The following MCM10 variants were observed in gnomAD, a reference collection of about 807,000 sequenced individuals.
MCM10 encodes protein MCM10 homolog.
In MCM10, 91 loss-of-function variants were observed where a neutral mutation model predicts 109.9. The ratio of observed to expected loss-of-function variants is 0.83; its 90% CI spans 0.70 to 0.99. MCM10 has a LOEUF of 0.99. Among genes scored for constraint, MCM10 ranks in the 50% least tolerant of loss-of-function variants. The pLI is 0.00. For missense variants in MCM10, 1,077 were observed against 1,061.2 expected, an observed-to-expected ratio of 1.01 and a Z score of -0.21; for synonymous variants, 380 against 387.2, an observed-to-expected ratio of 0.98 and a Z score of 0.22.
In MCM10 at chr10:13,192,559, T is replaced by C; in HGVS notation, c.1736T>C (p.Ile579Thr). The change falls in exon 13 of 20, where the codon ATA (isoleucine) becomes ACA (threonine). Residue 579 changes from isoleucine to threonine, a missense_variant. Physicochemically the swap from Ile to Thr is moderately conservative, Grantham distance 89 (BLOSUM62 -1). Coordinates refer to ENST00000378714, the MANE Select transcript of MCM10 (RefSeq NM_018518.5). ...LEMRRRKSEE[I>T]QKRFLQSSSE... ...ATGAGGAGAAGGAAATCAGAAGAAA[T>C]ACAGAAGCGGTAAGAGGAGCAGATT... 1.2e-6 allele frequency: 2 copies of C among 1,613,988 alleles called. No individual in the cohort carries two copies. The highest frequency in any genetic ancestry group is 1.3e-5 in the African/African-American group (1 of 75,006).
At chr10:13,169,101 T>G (rs973919992) in intron 2 of MCM10, among the ~76,000 whole-genome samples, 18 of 152,206 alleles carry the variant, frequency 1.2e-4, no homozygotes, top group African/African-American at 4.3e-4. Context: ...AATATGGCGC[T>G]GGCCAGGTAG....
chr10:13,171,546 A>G (rs1392351487), intron 3 of MCM10, among the ~76,000 whole-genome samples: 1 of 152,092 alleles, frequency 6.6e-6, no homozygotes, highest in African/African-American at 2.4e-5. Context: ...GCACTTTGGG[A>G]TGTATGTGGA....
intron 8 of MCM10, among the ~76,000 whole-genome samples, chr10:13,183,915 A>G (rs923252114): frequency 6.6e-5 from 10 of 151,986 alleles, no homozygotes; most frequent in African/African-American, 2.4e-4. Flanking sequence ...CTGGAGTGCA[A>G]TGGCGTGATC....
At chr10:13,202,237 G>C (rs1588479626) in intron 17 of MCM10, among the ~76,000 whole-genome samples, 1 of 152,164 alleles carries the variant, frequency 6.6e-6, no homozygotes, top group East Asian at 1.9e-4. Flanking sequence ...CACACCTGTG[G>C]CTCCAGCTAC....
chr10:13,179,785 T>C (rs1352926916), intron 6 of MCM10, among the ~76,000 whole-genome samples: 1 of 152,188 alleles, frequency 6.6e-6, no homozygotes, highest in East Asian at 1.9e-4. Context: ...ATCGATGAAA[T>C]TTAAGTGTCT....
In MCM10 at chr10:13,209,674, C is replaced by T. The variant is rs1564396749; in HGVS notation, c.*364C>T. On this transcript the variant is annotated 3_prime_UTR_variant, in exon 20 of 20. Coordinates refer to ENST00000378714, the MANE Select transcript of MCM10 (RefSeq NM_018518.5). Reference sequence around the variant, plus strand: ...TCATAACAAAATTCTAGTGTTTATACGAACACCCAGAGGCAAAAGAATTTG... The same window carrying T: ...TCATAACAAAATTCTAGTGTTTATATGAACACCCAGAGGCAAAAGAATTTG... 1 of 204,322 alleles carries T rather than the reference C, an allele frequency of 4.9e-6. No individual in the cohort carries two copies. Among genetic ancestry groups the T allele is most frequent in the Non-Finnish European group, 9.9e-6 (1 of 101,396 alleles). 12.7% of individuals were successfully genotyped at this position (204,322 alleles called of 1,614,324 possible).
intron 18 of MCM10, among the ~76,000 whole-genome samples, chr10:13,208,104 C>G (rs890110472): frequency 4.6e-5 from 7 of 152,226 alleles, no homozygotes; most frequent in African/African-American, 1.7e-4. Context: ...GCAAGAAGGG[C>G]TGGACTTGGT....
chr10:13,178,983 C>T (rs1834175825), intron 6 of MCM10, among the ~76,000 whole-genome samples: 1 of 152,228 alleles, frequency 6.6e-6, no homozygotes, highest in East Asian at 1.9e-4. Context: ...GGATTACTTT[C>T]TTGATTTCTT....
intron 6 of MCM10, among the ~76,000 whole-genome samples, chr10:13,179,242 C>T (rs2131566349): frequency 6.6e-6 from 1 of 152,102 alleles, no homozygotes; most frequent in Middle Eastern, 3.4e-3. Flanking sequence ...AGCTGTTTGC[C>T]TACTGTGTAT....
In MCM10 at chr10:13,172,482, T is replaced by G; in HGVS notation, c.454+2T>G. 1.2e-6 allele frequency: 2 copies of G among 1,613,384 alleles called. No homozygotes were observed. Among genetic ancestry groups the G allele is most frequent in the Non-Finnish European group, 1.7e-6 (2 of 1,179,476 alleles). On this transcript the variant is annotated splice_donor_variant, in intron 4 of 19. Transcript: ENST00000378714. LOFTEE classifies it high-confidence loss of function. This position sits in a 1 kb window ranked among gnomAD's most constrained non-coding sequence, Gnocchi z 5.2. ...CAGCCCGTCTGCAAAAATCCCCTGG[T>G]AAGAAGACTGTCATTCTGGCAATCG...
At chr10:13,193,528 C>A (rs1297359665) in intron 13 of MCM10, among the ~76,000 whole-genome samples, 1 of 152,116 alleles carries the variant, frequency 6.6e-6, no homozygotes, top group African/African-American at 2.4e-5. Context: ...TTTGGGCTCA[C>A]ACATGTTGTG....
At chr10:13,180,806 A>G (rs778994678) in intron 7 of MCM10, among the ~76,000 whole-genome samples, 199 bp downstream of exon 7, 32 of 152,204 alleles carry the variant, frequency 2.1e-4, no homozygotes, top group Admixed American at 3.3e-4. Flanking sequence ...ACCTGGTGGT[A>G]CAGGTTTCTT....
At chr10:13,180,829 G>T (rs1165202868) in intron 7 of MCM10, among the ~76,000 whole-genome samples, 8 of 152,134 alleles carry the variant, frequency 5.3e-5, no homozygotes, top group Non-Finnish European at 1.0e-4. Flanking sequence ...GCTTTCCATT[G>T]TCCAAATCAT....
rs572249868 is a variant in MCM10 at position 13,191,464 on chromosome 10, G to T, written c.1516+65G>T. ...TAATTATGCAGCCTTAGGGATAAAA[G>T]ACTACACATTGGGTACAGGGTACAC... On this transcript the variant is annotated intron_variant, in intron 11 of 19. Transcript: ENST00000378714. 1,365 of 1,338,812 alleles carry T rather than the reference G, an allele frequency of 1.0e-3. 2 individuals carry two copies. Among genetic ancestry groups the T allele is most frequent in the Non-Finnish European group, 1.4e-3 (1,300 of 931,560 alleles). 82.9% of individuals were successfully genotyped at this position (1,338,812 alleles called of 1,614,324 possible).
chr10:13,192,415 C>T, intron 12 of MCM10, 36 bp from the exon 13 acceptor site: 1 of 1,613,418 alleles, frequency 6.2e-7, no homozygotes. Context: ...CCCTCAGCCT[C>T]CCAGGGCACC....
At chr10:13,198,567 T>G (rs1588477857) in intron 15 of MCM10, 122 bp from the exon 16 acceptor site, 2 of 674,512 alleles carry the variant, frequency 3.0e-6, no homozygotes, top group South Asian at 1.8e-5. Context: ...CCAGCGGGGG[T>G]AGGTCAAGTT....
chr10:13,164,753 C>A (rs183208586), intron 2 of MCM10, among the ~76,000 whole-genome samples: 9 of 152,118 alleles, frequency 5.9e-5, no homozygotes, highest in Admixed American at 3.3e-4. Context: ...CACTAATTAG[C>A]GATCACCTAA....
At position 13,188,870 on chromosome 10, in the gene MCM10, G is replaced by A. The variant is rs748149202; in HGVS notation, c.1216-11G>A. 6.2e-6 allele frequency: 10 copies of A among 1,613,514 alleles called. No individual in the cohort carries two copies. In the African/African-American group the frequency reaches 1.2e-4, roughly 19 times the overall value. On this transcript the variant is annotated splice_polypyrimidine_tract_variant and intron_variant, in intron 9 of 19. Coordinates refer to ENST00000378714, the MANE Select transcript of MCM10 (RefSeq NM_018518.5). Reference sequence around the variant, plus strand: ...GCCCTCATCCTGATGCCACTGCTCTGCCTTTTGCAGCGTGACTGTGAGTAC... The same window carrying A: ...GCCCTCATCCTGATGCCACTGCTCTACCTTTTGCAGCGTGACTGTGAGTAC...
chr10:13,162,819 C>T (rs1322060308), intron 1 of MCM10, among the ~76,000 whole-genome samples: 1 of 152,206 alleles, frequency 6.6e-6, no homozygotes, highest in Non-Finnish European at 1.5e-5. Flanking sequence ...GTGGCTCACG[C>T]CTGTAATCCC....
Sources: allele counts gnomAD v4.1 joint callset (sites outside exome capture counted in the v4.1 genomes callset), GRCh38; gene constraint gnomAD v4.1.1; non-coding constraint Gnocchi (gnomAD v3.1); transcripts MANE v1.5; gene names NCBI Gene and HGNC (gene_info 2026-07-23, HGNC 2026-07-21).